Variants in IFNGR2 observed in about 807,000 individuals in gnomAD.
The protein encoded by IFNGR2 is IFN-gamma receptor 2.
IFNGR2 carries 15 observed loss-of-function variants against 41.1 expected under a neutral mutation model. The ratio of observed to expected loss-of-function variants is 0.37; its 90% confidence interval spans 0.24 to 0.56. The LOEUF is 0.56. Among genes scored for constraint, IFNGR2 ranks in the 20% least tolerant of loss-of-function variants. The pLI is 0.81. For missense variants in IFNGR2, 362 were observed against 415.7 expected (o/e 0.87, Z 1.12); for synonymous variants, 161 against 171.6 (o/e 0.94, Z 0.48).
intron 4 of IFNGR2, among the ~76,000 whole-genome samples, chr21:33,427,545 T>C (rs1442554297): frequency 1.3e-5 from 2 of 152,094 alleles, no homozygotes; most frequent in African/African-American, 4.8e-5. Flanking sequence ...GGTGCTTAGA[T>C]TGGTCAGAAA....
chr21:33,414,732 G>A (rs1601073392), intron 1 of IFNGR2, among the ~76,000 whole-genome samples, 156 bp from the exon 2 acceptor site: 1 of 152,220 alleles, frequency 6.6e-6, no homozygotes, highest in Non-Finnish European at 1.5e-5. Flanking sequence ...CGGGGGTGTG[G>A]GGCCATGCCC....
intron 3 of IFNGR2, among the ~76,000 whole-genome samples, chr21:33,424,329 G>A (rs909509481): frequency 7.9e-5 from 12 of 151,912 alleles, no homozygotes; most frequent in Middle Eastern, 3.4e-3. Flanking sequence ...GATACTTACC[G>A]CCACTGCCCA....
Position 33,437,186 on chromosome 21 carries a change from A to G in IFNGR2, c.*224A>G, listed in dbSNP as rs1388533470. On this transcript the variant is annotated 3_prime_UTR_variant, in exon 7 of 7. Coordinates refer to ENST00000290219, the MANE Select transcript of IFNGR2 (RefSeq NM_005534.4). ...AATTCCAGAATGATTTTACGGAGAT[A>G]TCCCAGGAAAATTAAGGCTTCTCTT... The G allele has an allele frequency of 1.9e-6, 1 of 531,200 alleles. No homozygotes were observed. The highest frequency in any genetic ancestry group is 3.2e-5 in the Admixed American group (1 of 31,096). The allele number at this position is 531,200 out of a possible 1,614,324, so 32.9% of individuals were successfully genotyped here. A position where few individuals can be genotyped will look rare whatever the true frequency, so the allele number is the denominator to read the frequency against.
intron 4 of IFNGR2, 108 bp downstream of exon 4, chr21:33,427,140 C>T: frequency 1.1e-6 from 1 of 951,684 alleles, no homozygotes; most frequent in Admixed American, 1.8e-5. Context: ...CTCCATGTCC[C>T]CGTGTCCCCA....
intron 1 of IFNGR2, 59 bp downstream of exon 1, chr21:33,403,675 T>C: frequency 1.2e-6 from 1 of 867,566 alleles, no homozygotes; most frequent in Non-Finnish European, 1.5e-6. Flanking sequence ...ATGTGGGGGC[T>C]GGGGGACTCC....
intron 4 of IFNGR2, among the ~76,000 whole-genome samples, chr21:33,430,144 A>C (rs998133220): frequency 7.6e-6 from 1 of 132,362 alleles, no homozygotes; most frequent in African/African-American, 2.5e-5. Flanking sequence ...GTCTCAAAAA[A>C]CAAACAAACA....
At chr21:33,408,817 T>G (rs544312815) in intron 1 of IFNGR2, among the ~76,000 whole-genome samples, 1 of 151,950 alleles carries the variant, frequency 6.6e-6, no homozygotes, top group South Asian at 2.1e-4. Context: ...CCAGGAAGAG[T>G]TGAAGAAAGT....
intron 4 of IFNGR2, among the ~76,000 whole-genome samples, chr21:33,431,719 T>C (rs917367173): frequency 1.3e-5 from 2 of 152,208 alleles, no homozygotes; most frequent in Non-Finnish European, 2.9e-5. Flanking sequence ...TACAGGTGTG[T>C]GCCACCACAT....
chr21:33,434,833 ATC>A (rs557935330), intron 6 of IFNGR2, among the ~76,000 whole-genome samples: 4 of 152,048 alleles, frequency 2.6e-5, no homozygotes, highest in African/African-American at 7.2e-5. Flanking sequence ...TGCAGTAATA[ATC>A]TCTCTCTCTC....
At chr21:33,407,844 G>GCCCC (rs1321355764) in intron 1 of IFNGR2, among the ~76,000 whole-genome samples, 15 of 55,742 alleles carry the variant, frequency 2.7e-4, no homozygotes, top group South Asian at 6.3e-4. Flanking sequence ...GATCCCCACC[G>GCCCC]CACCCCCCCC....
intron 3 of IFNGR2, among the ~76,000 whole-genome samples, 188 bp downstream of exon 3, chr21:33,421,873 T>C (rs1214253797): frequency 6.6e-6 from 1 of 151,824 alleles, no homozygotes; most frequent in African/African-American, 2.4e-5. Flanking sequence ...AAACCAGGGG[T>C]TGGCCAACTA....
At chr21:33,410,958 C>A in intron 1 of IFNGR2, 1 of 1,110,216 alleles carries the variant, frequency 9.0e-7, no homozygotes, top group Non-Finnish European at 1.3e-6. Context: ...GCTCCTTCTC[C>A]CCAGCCTTCC....
chr21:33,404,432 C>T (rs1180624356), intron 1 of IFNGR2, among the ~76,000 whole-genome samples: 1 of 152,080 alleles, frequency 6.6e-6, no homozygotes, highest in Non-Finnish European at 1.5e-5. Flanking sequence ...CTGAGCCAGG[C>T]ATTTATTTAT....
intron 5 of IFNGR2, 118 bp from the exon 6 acceptor site, chr21:33,432,596 G>A (rs973629501): frequency 2.6e-6 from 3 of 1,141,360 alleles, no homozygotes; most frequent in Admixed American, 1.7e-5. Context: ...GGGGGTAGAG[G>A]GACTTGCCCA....
rs1171061552 is a variant in IFNGR2 at position 33,436,971 on chromosome 21, A to AT, written c.*10dup. On this transcript the variant is annotated 3_prime_UTR_variant, in exon 7 of 7. Coordinates refer to ENST00000290219, the MANE Select transcript of IFNGR2 (RefSeq NM_005534.4). ...TTCTCCAAACGCTTTGAACCAAAGC[A>AT]TGGGCCTAGCCCACTGGCTCCCTGG... 4 of 1,613,880 alleles carry AT rather than the reference A, an allele frequency of 2.5e-6. No homozygotes were observed. In the Admixed American group the frequency reaches 5.0e-5, roughly 20 times the overall value.
intron 5 of IFNGR2, 64 bp downstream of exon 5, chr21:33,432,400 C>T (rs2083897771): frequency 9.4e-6 from 14 of 1,484,058 alleles, no homozygotes; most frequent in East Asian, 2.3e-5. Context: ...ATAGTGAAAT[C>T]GGGGAATGCT....
intron 2 of IFNGR2, among the ~76,000 whole-genome samples, chr21:33,417,328 G>A (rs1343725954): frequency 2.0e-5 from 3 of 152,092 alleles, no homozygotes; most frequent in Non-Finnish European, 1.5e-5. Context: ...GGGCTCAAGT[G>A]ATCCACCCAC....
At chr21:33,415,863 TTTG>T (rs1010889562) in intron 2 of IFNGR2, among the ~76,000 whole-genome samples, 11 of 152,134 alleles carry the variant, frequency 7.2e-5, no homozygotes, top group South Asian at 4.1e-4. Context: ...TGTGTGTCTG[TTTG>T]TTGTTGTTGT....
At chr21:33,412,163 A>T (rs17882437) in intron 1 of IFNGR2, among the ~76,000 whole-genome samples, 9 of 152,166 alleles carry the variant, frequency 5.9e-5, no homozygotes, top group Admixed American at 2.0e-4. Context: ...TACAGGAAAT[A>T]AAAGGAGTTG....
Sources: allele counts gnomAD v4.1 joint callset (sites outside exome capture counted in the v4.1 genomes callset), GRCh38; gene constraint gnomAD v4.1.1; transcripts MANE v1.5; gene names NCBI Gene and HGNC (gene_info 2026-07-23, HGNC 2026-07-21).